The following PRRC2B variants were observed in gnomAD, a reference collection of about 807,000 sequenced individuals.
PRRC2B encodes the protein protein PRRC2B.
PRRC2B carries 68 observed loss-of-function variants against 242.3 expected under a neutral mutation model. The observed-to-expected ratio is 0.28, with a 90% CI of 0.23 to 0.34. The LOEUF (loss-of-function observed/expected upper bound fraction) is 0.34. Among genes scored for constraint, PRRC2B ranks in the 10% least tolerant of loss-of-function variants. The pLI is 1.00. For synonymous variants in PRRC2B, 1,228 were observed against 1,173.6 expected (o/e 1.05, Z -0.95); for missense variants, 2,835 against 2,954.8 (o/e 0.96, Z 0.94).
In PRRC2B at chr9:131,485,357, G is replaced by A. The variant is rs113142352; in HGVS notation, c.5758+217G>A. On this transcript the variant is annotated intron_variant, in intron 25 of 31. Transcript: ENST00000683519. ...GGAAACAGAACTGGGGGATAACAGC[G>A]AGGCACTCCTGCCTACTGGTGACAG... Among the ~76,000 whole-genome samples, 213 of 152,350 alleles carry A rather than the reference G, an allele frequency of 1.4e-3. 1 individual carries two copies. The highest frequency in any genetic ancestry group is 3.4e-3 in the Middle Eastern group (1 of 294).
At chr9:131,454,353 G>A (rs886342806) in intron 9 of PRRC2B, among the ~76,000 whole-genome samples, 1 of 152,206 alleles carries the variant, frequency 6.6e-6, no homozygotes, top group Non-Finnish European at 1.5e-5. Context: ...CACAAGTCAA[G>A]CTTCTGTATT....
chr9:131,477,610 C>T, intron 16 of PRRC2B, 134 bp from the exon 17 acceptor site: 1 of 618,190 alleles, frequency 1.6e-6, no homozygotes, highest in Admixed American at 2.7e-5. Flanking sequence ...GCCTGCCGCT[C>T]CTCCCCACCC....
At position 131,439,698 on chromosome 9, in the gene PRRC2B, G is replaced by A. The variant is rs891848883; in HGVS notation, c.469+637G>A. Among the ~76,000 whole-genome samples the A allele has an allele frequency of 3.9e-5, 6 of 152,274 alleles. No individual in the cohort carries two copies. In the East Asian group the frequency reaches 5.8e-4, roughly 15 times the overall value. Reference sequence around the variant, plus strand: ...AAAGGCTCTTCCCTCAGTCTCCAACGGGAAATGACCGATCAATGTGCCAAT... The same window carrying A: ...AAAGGCTCTTCCCTCAGTCTCCAACAGGAAATGACCGATCAATGTGCCAAT... On this transcript the variant is annotated intron_variant, in intron 5 of 31. Transcript: ENST00000683519.
In PRRC2B at chr9:131,466,847, G is replaced by A. The variant is rs971799185; in HGVS notation, c.1721-716G>A. 5.3e-5 allele frequency among the ~76,000 whole-genome samples: 8 copies of A among 151,428 alleles called. No individual in the cohort carries two copies. In the South Asian group the frequency reaches 1.7e-3, roughly 32 times the overall value. On this transcript the variant is annotated intron_variant, in intron 12 of 31. Transcript: ENST00000683519. The stretch of plus-strand genomic sequence containing the variant: ...GACGGATTCTCACTCTGTCGCCCAG[G>A]CTGGAGTGCAGTGGCACGATCTCGG...
Position 131,492,250 on chromosome 9 carries a change from C to T in PRRC2B, c.6463C>T (p.Gln2155Ter). Residue 2155 changes from glutamine (Q) to a stop codon, truncating the protein, a stop_gained, in exon 30 of 32, where the codon CAG becomes TAG. Transcript: ENST00000683519. LOFTEE classifies it high-confidence loss of function. ...VPSGGPVPSP[Q>*]TYRPSSASPS... is the part of the protein sequence containing the mutation. Reference sequence around the variant, plus strand: ...TTCAGGAGGCCCCGTGCCATCGCCACAGACCTACAGGTAAAGCCACTCCCT... The same window carrying T: ...TTCAGGAGGCCCCGTGCCATCGCCATAGACCTACAGGTAAAGCCACTCCCT... The T allele has an allele frequency of 6.2e-7, 1 of 1,613,600 alleles. No individual in the cohort carries two copies.
rs1201881332 is a variant in PRRC2B, at chr9:131,479,255, C to A, written c.4762C>A (p.Pro1588Thr). 2 of 1,613,590 alleles carry A rather than the reference C, an allele frequency of 1.2e-6. No individual in the cohort carries two copies. The highest frequency in any genetic ancestry group is 1.7e-6 in the Non-Finnish European group (2 of 1,179,662). ...RRKKEQAVQV[P>T]VKGRGLSSRI... Reference sequence around the variant, plus strand: ...CAGCATCCTTTCTTCCCCTCAGGTGCCTGTCAAAGGTCGAGGCCTTTCCTC... The same window carrying A: ...CAGCATCCTTTCTTCCCCTCAGGTGACTGTCAAAGGTCGAGGCCTTTCCTC... Residue 1588 changes from proline (P) to threonine (T), a missense_variant, in exon 19 of 32, where the codon CCT becomes ACT. Pro to Thr is a conservative substitution (Grantham distance 38). Coordinates refer to ENST00000683519, the MANE Select transcript of PRRC2B (RefSeq NM_013318.4).
intron 11 of PRRC2B, 41 bp from the exon 12 acceptor site, chr9:131,464,722 C>T (rs1327385064): frequency 2.0e-6 from 3 of 1,524,854 alleles, no homozygotes; most frequent in Non-Finnish European, 1.8e-6. Context: ...TATCCCGGGT[C>T]CCGGACCCAC....
rs765096256 is a variant in PRRC2B at position 131,495,898 on chromosome 9, T to C, written c.*24T>C. 3 of 1,595,668 alleles carry C rather than the reference T, an allele frequency of 1.9e-6. No individual in the cohort carries two copies. The highest frequency in any genetic ancestry group is 1.7e-6 in the Non-Finnish European group (2 of 1,166,682). Reference sequence around the variant, plus strand: ...GACAGTGCCTGGCTGCCACCTCGCCTCTCCCTACTGAGGACGGTGCCGCCA... The same window carrying C: ...GACAGTGCCTGGCTGCCACCTCGCCCCTCCCTACTGAGGACGGTGCCGCCA... On this transcript the variant is annotated 3_prime_UTR_variant, in exon 32 of 32. Coordinates refer to ENST00000683519, the MANE Select transcript of PRRC2B (RefSeq NM_013318.4).
chr9:131,462,803 A>T (rs1943279110), intron 11 of PRRC2B, among the ~76,000 whole-genome samples: 3 of 138,644 alleles, frequency 2.2e-5, no homozygotes, highest in African/African-American at 8.0e-5. Context: ...ATGCCACTGC[A>T]CTCCAGCCTG....
At chr9:131,391,011 G>T (rs970547479), upstream of PRRC2B, among the ~76,000 whole-genome samples, 70 of 150,320 alleles carry the variant, frequency 4.7e-4, 1 homozygote, top group African/African-American at 1.6e-3. Flanking sequence ...GGTCTCGAAC[G>T]CCTGACCAAG....
chr9:131,430,557 GTGTA>G (rs1440054323), intron 2 of PRRC2B, among the ~76,000 whole-genome samples: 8 of 92,596 alleles, frequency 8.6e-5, no homozygotes, highest in African/African-American at 2.6e-4. Context: ...ATAGGTGTGT[GTGTA>G]TGTGTGTGTG....
At chr9:131,400,351 T>C (rs1472290168) in intron 1 of PRRC2B, among the ~76,000 whole-genome samples, 8 of 151,666 alleles carry the variant, frequency 5.3e-5, no homozygotes, top group Non-Finnish European at 1.0e-4. Context: ...TGGCATCTTG[T>C]TCTGTTGCGC....
Position 131,467,379 on chromosome 9 carries a change from G to T in PRRC2B, c.1721-184G>T, listed in dbSNP as rs1173249759. Among the ~76,000 whole-genome samples the T allele has an allele frequency of 2.0e-5, 3 of 152,206 alleles. No individual in the cohort carries two copies. The East Asian group carries it at 5.8e-4, about 29-fold the overall frequency. On this transcript the variant is annotated intron_variant, in intron 12 of 31. Coordinates refer to ENST00000683519, the MANE Select transcript of PRRC2B (RefSeq NM_013318.4). Reference sequence around the variant, plus strand: ...GACAACAGGTGAAGCCTCCTCACATGTGTTGTGGGGAGTCCCTGAGCTTGT... The same window carrying T: ...GACAACAGGTGAAGCCTCCTCACATTTGTTGTGGGGAGTCCCTGAGCTTGT...
intron 23 of PRRC2B, among the ~76,000 whole-genome samples, chr9:131,484,200 C>CT (rs764137230): frequency 1.3e-5 from 2 of 152,202 alleles, no homozygotes; most frequent in Non-Finnish European, 2.9e-5. Flanking sequence ...TACCAGAGCC[C>CT]TCTTTTTCAG....
intron 9 of PRRC2B, among the ~76,000 whole-genome samples, chr9:131,450,833 C>T (rs903023659): frequency 6.6e-6 from 1 of 152,096 alleles, no homozygotes; most frequent in African/African-American, 2.4e-5. Flanking sequence ...GGTGATAGGT[C>T]CGCCTTGGCC....
At chr9:131,404,180 C>G (rs1050982323) in intron 1 of PRRC2B, among the ~76,000 whole-genome samples, 95 of 148,636 alleles carry the variant, frequency 6.4e-4, no homozygotes, top group Admixed American at 4.7e-4. Flanking sequence ...AAGAAAAAAT[C>G]GTTTATAATC....
intron 4 of PRRC2B, among the ~76,000 whole-genome samples, chr9:131,438,290 C>A (rs1838440143): frequency 6.6e-6 from 1 of 152,164 alleles, no homozygotes; most frequent in Non-Finnish European, 1.5e-5. Context: ...AGGCTGGAGA[C>A]TGGTCCTGGT....
In PRRC2B at chr9:131,455,066, G is replaced by A. The variant is rs1943033851; in HGVS notation, c.1121-10G>A. The A allele has an allele frequency of 2.5e-6, 4 of 1,606,440 alleles. No individual in the cohort carries two copies. The East Asian group carries it at 8.9e-5, about 36-fold the overall frequency. On this transcript the variant is annotated splice_polypyrimidine_tract_variant and intron_variant, in intron 9 of 31. Coordinates refer to ENST00000683519, the MANE Select transcript of PRRC2B (RefSeq NM_013318.4). ...TTTCTCATTCTTCCTGGGCCCTCCT[G>A]CTGTTGTAGGCCTCCATGAAGAAGT...
At chr9:131,460,011 A>G (rs1196019634) in intron 11 of PRRC2B, among the ~76,000 whole-genome samples, 1 of 151,170 alleles carries the variant, frequency 6.6e-6, no homozygotes, top group African/African-American at 2.4e-5. Context: ...AATAATTAAA[A>G]CAGCTTCAAA....
Sources: gnomAD v4.1 joint callset for allele counts (sites outside exome capture counted in the v4.1 genomes callset) on GRCh38, gnomAD v4.1.1 for gene constraint, MANE v1.5 for transcripts, NCBI Gene and HGNC (gene_info 2026-07-23, HGNC 2026-07-21) for gene names.